The following HS2ST1 variants were observed in gnomAD, a reference collection of about 807,000 sequenced individuals.
The protein encoded by HS2ST1 is 2-O-sulfotransferase.
In HS2ST1, 18 loss-of-function variants were observed where a neutral mutation model predicts 42.9. The observed-to-expected ratio is 0.42, with a 90% confidence interval of 0.29 to 0.62. The LOEUF (loss-of-function observed/expected upper bound fraction) is 0.62. Among genes scored for constraint, HS2ST1 ranks in the 20% least tolerant of loss-of-function variants. The pLI, the probability that HS2ST1 is intolerant of heterozygous loss-of-function variation, is 0.21. For missense variants in HS2ST1, 334 were observed against 433.8 expected, an observed-to-expected ratio of 0.77 and a Z score of 2.04; for synonymous variants, 146 against 152.9, an observed-to-expected ratio of 0.95 and a Z score of 0.33.
At chr1:86,988,363 C>T (rs1307427816) in intron 1 of HS2ST1, among the ~76,000 whole-genome samples, 4 of 152,204 alleles carry the variant, frequency 2.6e-5, no homozygotes, top group Non-Finnish European at 5.9e-5. Context: ...TCAGTATCAA[C>T]GTAGATCCAG....
intron 1 of HS2ST1, among the ~76,000 whole-genome samples, chr1:86,979,701 T>G (rs773764533): frequency 7.9e-5 from 12 of 152,242 alleles, no homozygotes; most frequent in Non-Finnish European, 1.6e-4. Context: ...TGCCTGCCTT[T>G]ACTTCTTTTG....
At chr1:86,941,340 T>C (rs1003537259) in intron 1 of HS2ST1, among the ~76,000 whole-genome samples, 2 of 148,546 alleles carry the variant, frequency 1.3e-5, no homozygotes, top group Non-Finnish European at 3.0e-5. Flanking sequence ...AGCCATGGAG[T>C]TTTTATTCTT....
chr1:87,101,716 T>C lies in HS2ST1; in HGVS notation c.687-1716T>C, dbSNP rs545850562. Among the ~76,000 whole-genome samples, 6 of 152,294 alleles carry C rather than the reference T, an allele frequency of 3.9e-5. No homozygotes were observed. The South Asian group carries it at 1.2e-3, about 32-fold the overall frequency. ...TTCTTCCTGTCTTCTTCTGAGCCCT[T>C]CAAATTCTTCCAACCGCTGCCCATT... On this transcript the variant is annotated intron_variant, in intron 5 of 6. Transcript: ENST00000370550.
At chr1:86,921,843 C>T (rs1270998350) in intron 1 of HS2ST1, among the ~76,000 whole-genome samples, 1 of 152,164 alleles carries the variant, frequency 6.6e-6, no homozygotes, top group Admixed American at 6.5e-5. Flanking sequence ...ACAGACACTT[C>T]AGTTTTCTTT....
chr1:86,949,029 A>G (rs72947883), intron 1 of HS2ST1, among the ~76,000 whole-genome samples: 3,592 of 152,300 alleles, frequency 0.024, 73 homozygotes, highest in African/African-American at 0.049. Context: ...TATTATTTTA[A>G]AAAGCTGATT....
chr1:86,988,598 G>A lies in HS2ST1; in HGVS notation c.124+73438G>A, dbSNP rs550251199. On this transcript the variant is annotated intron_variant, in intron 1 of 6. Coordinates refer to ENST00000370550, the MANE Select transcript of HS2ST1 (RefSeq NM_012262.4). ...TCTGGTAGCTTTGCCCAGACCTTGG[G>A]AATCCTCCTCCTCAATACATTTAAT... 7.9e-5 allele frequency among the ~76,000 whole-genome samples: 12 copies of A among 152,286 alleles called. 1 individual carries two copies. In the South Asian group the frequency reaches 2.1e-3, roughly 26 times the overall value.
At chr1:87,094,358 A>T (rs928560375) in intron 4 of HS2ST1, among the ~76,000 whole-genome samples, 1 of 152,108 alleles carries the variant, frequency 6.6e-6, no homozygotes, top group Non-Finnish European at 1.5e-5. Context: ...TATTAACAGT[A>T]ATAATAGCTC....
chr1:86,996,153 G>A (rs1198666854), intron 1 of HS2ST1, among the ~76,000 whole-genome samples: 1 of 151,920 alleles, frequency 6.6e-6, no homozygotes, highest in Non-Finnish European at 1.5e-5. Flanking sequence ...TTTAAAAGAA[G>A]TACCAAAGGC....
intron 3 of HS2ST1, 129 bp downstream of exon 3, chr1:87,084,408 T>G: frequency 3.5e-6 from 2 of 569,902 alleles, no homozygotes; most frequent in Non-Finnish European, 6.1e-6. Context: ...CAGTTTTAGA[T>G]CTGTAATTTA....
chr1:87,069,553 A>T (rs1331221393), intron 1 of HS2ST1, among the ~76,000 whole-genome samples: 2 of 152,248 alleles, frequency 1.3e-5, no homozygotes, highest in African/African-American at 4.8e-5. Context: ...CATCAATAAT[A>T]GTTACTGCTG....
At chr1:87,019,639 A>G (rs561151905) in intron 1 of HS2ST1, among the ~76,000 whole-genome samples, 13 of 152,220 alleles carry the variant, frequency 8.5e-5, no homozygotes, top group Non-Finnish European at 1.8e-4. Flanking sequence ...TTGCAAAACT[A>G]TATGACAGGA....
chr1:87,100,587 T>A (rs1331597031), intron 5 of HS2ST1, among the ~76,000 whole-genome samples: 1 of 152,192 alleles, frequency 6.6e-6, no homozygotes, highest in Non-Finnish European at 1.5e-5. Context: ...TAATAAGTGA[T>A]TGCTCCACAG....
chr1:86,960,082 T>C (rs1647789461), intron 1 of HS2ST1, among the ~76,000 whole-genome samples: 1 of 152,038 alleles, frequency 6.6e-6, no homozygotes, highest in Admixed American at 6.6e-5. Flanking sequence ...AAAGAATAAA[T>C]AGATCATTGA....
rs1228383066 is a variant in HS2ST1 at position 87,084,250 on chromosome 1, T to C, written c.420T>C (p.His140=). The C allele has an allele frequency of 1.2e-6, 2 of 1,606,518 alleles. No homozygotes were observed. Among genetic ancestry groups the C allele is most frequent in the East Asian group, 2.2e-5 (1 of 44,612 alleles). Residue 140 remains histidine, a synonymous_variant, in exon 3 of 7, where the codon CAT becomes CAC. Coordinates refer to ENST00000370550, the MANE Select transcript of HS2ST1 (RefSeq NM_012262.4). ...SWKEMKPGFY[H]GHVSYLDFAK... is the part of the protein sequence containing the mutation. Reference sequence around the variant, plus strand: ...AAGAGATGAAACCAGGATTTTATCATGGACACGTTTCTTACTTGGATTTTG... The same window carrying C: ...AAGAGATGAAACCAGGATTTTATCACGGACACGTTTCTTACTTGGATTTTG...
intron 1 of HS2ST1, among the ~76,000 whole-genome samples, chr1:86,951,346 C>T (rs575591942): frequency 6.6e-6 from 1 of 152,176 alleles, no homozygotes; most frequent in South Asian, 2.1e-4. Flanking sequence ...AGGCGTATCT[C>T]AGAAATATTA....
chr1:86,952,139 A>G (rs1182429347), intron 1 of HS2ST1, among the ~76,000 whole-genome samples: 3 of 152,240 alleles, frequency 2.0e-5, no homozygotes, highest in Non-Finnish European at 2.9e-5. Flanking sequence ...AATGGCATCT[A>G]GAATGATGAA....
chr1:87,045,492 GC>G, intron 1 of HS2ST1: 1 of 970,090 alleles, frequency 1.0e-6, no homozygotes, highest in Non-Finnish European at 1.7e-6. Flanking sequence ...TGGACATTCA[GC>G]CGTACAGTCA....
intron 1 of HS2ST1, among the ~76,000 whole-genome samples, chr1:86,920,747 A>G (rs934674812): frequency 1.3e-5 from 2 of 152,082 alleles, no homozygotes; most frequent in Admixed American, 6.6e-5. Context: ...AGTTATTTTT[A>G]AGATCTACCC....
rs1652349175 is a variant in HS2ST1 at position 87,107,338 on chromosome 1, G to A, written c.*2642G>A. On this transcript the variant is annotated 3_prime_UTR_variant, in exon 7 of 7. Transcript: ENST00000370550. The stretch of plus-strand genomic sequence containing the variant: ...TTCCCAGTTTAACAGTTCAGAATAG[G>A]GGCATTTATTTTATCATATTTTAGG... 6.6e-6 allele frequency: 1 copy of A among 151,870 alleles called. No individual in the cohort carries two copies. The highest frequency in any genetic ancestry group is 1.5e-5 in the Non-Finnish European group (1 of 67,912). The allele number at this position is 151,870 out of a possible 1,614,324, so 9.4% of individuals were successfully genotyped here.
Sources: allele counts gnomAD v4.1 joint callset (sites outside exome capture counted in the v4.1 genomes callset), GRCh38; gene constraint gnomAD v4.1.1; transcripts MANE v1.5; gene names NCBI Gene and HGNC (gene_info 2026-07-23, HGNC 2026-07-21).